The following HRH4 variants were observed in gnomAD, a reference collection of about 807,000 sequenced individuals.
HRH4 encodes histamine H4 receptor.
Under a neutral mutation model 10.4 loss-of-function variants are expected in HRH4, and 12 were observed. The ratio of observed to expected loss-of-function variants is 1.15; its 90% CI spans 0.74 to 1.87. The LOEUF (loss-of-function observed/expected upper bound fraction) is 1.87. Ranked by LOEUF, HRH4 falls within the 40% of genes most tolerant of loss-of-function variation. The pLI is 0.00. For missense variants in HRH4, 415 were observed against 453.3 expected, an observed-to-expected ratio of 0.92 and a Z score of 0.77; for synonymous variants, 154 against 166.6, an observed-to-expected ratio of 0.92 and a Z score of 0.58.
intron 1 of HRH4, among the ~76,000 whole-genome samples, chr18:24,468,187 T>G (rs1909828147): frequency 6.6e-6 from 1 of 152,042 alleles, no homozygotes; most frequent in South Asian, 2.1e-4. Flanking sequence ...ATGTACATCC[T>G]CCCATATACT....
Position 24,460,901 on chromosome 18 carries a change from C to T in HRH4, c.173C>T (p.Ala58Val), listed in dbSNP as rs1402881096. The T allele has an allele frequency of 1.3e-6, 2 of 1,567,766 alleles. No homozygotes were observed. The highest frequency in any genetic ancestry group is 1.7e-6 in the Non-Finnish European group (2 of 1,147,382). ...HRSSYFFLNLAISDFFVGVIS... is the reference protein window; with the variant it reads ...HRSSYFFLNLVISDFFVGVIS... ...AGTAGTTATTTTTTTCTTAACTTGG[C>T]CATCTCTGACTTCTTTGTGGGTAAG... The change falls in exon 1 of 3, where the codon GCC becomes GTC. Residue 58 changes from alanine (A) to valine (V), a missense_variant. By Grantham distance (64) the Ala-to-Val change is moderately conservative. Transcript: ENST00000256906.
At position 24,468,128 on chromosome 18, in the gene HRH4, G is replaced by A. The variant is rs763905700; in HGVS notation, c.194-660G>A. Among the ~76,000 whole-genome samples the A allele has an allele frequency of 3.3e-5, 5 of 152,128 alleles. No homozygotes were observed. The South Asian group carries it at 1.0e-3, about 32-fold the overall frequency. On this transcript the variant is annotated intron_variant, in intron 1 of 2. Transcript: ENST00000256906. ...AATCCCCTTAGATAGCAGAATCCAA[G>A]AAAGCTGAAGTCCCTGATATAAAAT... is the stretch of plus-strand genomic sequence containing the variant.
At chr18:24,474,827 AGGTG>A (rs1910090257) in intron 2 of HRH4, among the ~76,000 whole-genome samples, 1 of 151,946 alleles carries the variant, frequency 6.6e-6, no homozygotes, top group Non-Finnish European at 1.5e-5. Flanking sequence ...CTGGGACTAC[AGGTG>A]CGAGCCACCA....
rs2144388262 is a variant in HRH4 at position 24,478,567 on chromosome 18, T to A, written c.*1005T>A. The A allele has an allele frequency of 6.6e-6, 1 of 152,462 alleles. No homozygotes were observed. Among genetic ancestry groups the A allele is most frequent in the East Asian group, 1.9e-4 (1 of 5,184 alleles). 9.4% of individuals were successfully genotyped at this position (152,462 alleles called of 1,614,324 possible). A position where few individuals can be genotyped will look rare whatever the true frequency, so the allele number is the denominator to read the frequency against. On this transcript the variant is annotated 3_prime_UTR_variant, in exon 3 of 3. Coordinates refer to ENST00000256906, the MANE Select transcript of HRH4 (RefSeq NM_021624.4). ...ACAAGTAGCTGGTTGTGGCGCCGCA[T>A]GCCTGTAGTCCCAGCTACTCGGGAG...
At position 24,478,939 on chromosome 18, in the gene HRH4, A is replaced by T. The variant is rs946125142; in HGVS notation, c.*1377A>T. 5 of 152,178 alleles carry T rather than the reference A, an allele frequency of 3.3e-5. No individual in the cohort carries two copies. The highest frequency in any genetic ancestry group is 7.3e-5 in the Non-Finnish European group (5 of 68,034). 9.4% of individuals were successfully genotyped at this position (152,178 alleles called of 1,614,324 possible). A position where few individuals can be genotyped will look rare whatever the true frequency, so the allele number is the denominator to read the frequency against. ...AAAATTTTTAAAAAGGTTTTTTGAG[A>T]CAGATTCTTGCTCTGTCACCCAGGC... On this transcript the variant is annotated 3_prime_UTR_variant, in exon 3 of 3. Transcript: ENST00000256906.
At position 24,478,803 on chromosome 18, in the gene HRH4, T is replaced by C. The variant is rs1910221299; in HGVS notation, c.*1241T>C. 6.6e-6 allele frequency: 1 copy of C among 151,718 alleles called. No homozygotes were observed. Among genetic ancestry groups the C allele is most frequent in the Non-Finnish European group, 1.5e-5 (1 of 67,940 alleles). 9.4% of individuals were successfully genotyped at this position (151,718 alleles called of 1,614,324 possible). On this transcript the variant is annotated 3_prime_UTR_variant, in exon 3 of 3. Transcript: ENST00000256906. The stretch of plus-strand genomic sequence containing the variant: ...TCCTGCTGCCTTGGCCTCCCAAGTA[T>C]GTAGGACTACAGGTACTCGCCACCA...
chr18:24,476,365 A>C (rs1322592840), intron 2 of HRH4, among the ~76,000 whole-genome samples: 3 of 152,240 alleles, frequency 2.0e-5, no homozygotes, highest in African/African-American at 7.2e-5. Flanking sequence ...CTATTTCATT[A>C]AAAAGATCTG....
chr18:24,469,297 T>A (rs1445738623), intron 2 of HRH4, among the ~76,000 whole-genome samples: 7 of 152,162 alleles, frequency 4.6e-5, no homozygotes, highest in Admixed American at 3.9e-4. Context: ...CTGAATATAT[T>A]CCTCGGAATG....
rs1046743172 is a variant in HRH4 at position 24,460,794 on chromosome 18, G to A, written c.66G>A (p.Met22Ile). The change falls in exon 1 of 3, where the codon ATG (methionine) becomes ATA (isoleucine). Residue 22 changes from methionine to isoleucine, a missense_variant. Coordinates refer to ENST00000256906, the MANE Select transcript of HRH4 (RefSeq NM_021624.4). Reference sequence around the variant, plus strand: ...CTCGTGTTACTTTAGCATTTTTTATGTCCTTAGTAGCTTTTGCTATAATGC... The same window carrying A: ...CTCGTGTTACTTTAGCATTTTTTATATCCTTAGTAGCTTTTGCTATAATGC... ...LSTRVTLAFF[M>I]SLVAFAIMLG... is the part of the protein sequence containing the mutation. 11 of 1,564,586 alleles carry A rather than the reference G, an allele frequency of 7.0e-6. No homozygotes were observed. In the African/African-American group the frequency reaches 1.3e-4, roughly 19 times the overall value.
chr18:24,466,808 T>C (rs1051081369), intron 1 of HRH4, among the ~76,000 whole-genome samples: 2 of 152,216 alleles, frequency 1.3e-5, no homozygotes, highest in Admixed American at 1.3e-4. Flanking sequence ...CTCAACAAAG[T>C]AAGATTTCAT....
At chr18:24,462,737 A>C (rs577040013) in intron 1 of HRH4, among the ~76,000 whole-genome samples, 3 of 152,226 alleles carry the variant, frequency 2.0e-5, no homozygotes, top group African/African-American at 7.2e-5. Context: ...CAGCTAACCC[A>C]TAAAGAAGTA....
At chr18:24,474,701 T>TC (rs1910087023) in intron 2 of HRH4, among the ~76,000 whole-genome samples, 2 of 151,660 alleles carry the variant, frequency 1.3e-5, no homozygotes, top group African/African-American at 4.8e-5. Context: ...TACTGATTTT[T>TC]TTTTTTTTGA....
intron 2 of HRH4, among the ~76,000 whole-genome samples, chr18:24,471,606 C>CAAAAAAAAAAAAAAAA (rs60730879): frequency 6.6e-4 from 34 of 51,396 alleles, no homozygotes; most frequent in African/African-American, 2.6e-3. Context: ...GACTCCATCT[C>CAAAAAAAAAAAAAAAA]AAAAAAAAAA....
At chr18:24,464,951 G>A (rs1213788966) in intron 1 of HRH4, among the ~76,000 whole-genome samples, 2 of 151,936 alleles carry the variant, frequency 1.3e-5, no homozygotes, top group Admixed American at 1.3e-4. Flanking sequence ...GCTGGGAGTG[G>A]GGCTGCAATT....
At position 24,477,029 on chromosome 18, in the gene HRH4, C is replaced by A. The variant is rs1910158453; in HGVS notation, c.640C>A (p.Pro214Thr). The A allele has an allele frequency of 6.2e-7, 1 of 1,614,082 alleles. No individual in the cohort carries two copies. Among genetic ancestry groups the A allele is most frequent in the Admixed American group, 1.7e-5 (1 of 60,002 alleles). ...TCATCTCAGTAGGTGCCAAAGCCAT[C>A]CTGGACTGACTGCTGTCTCTTCCAA... is the stretch of plus-strand genomic sequence containing the variant. ...RDHLSRCQSHPGLTAVSSNIC... is the reference protein window; with the variant it reads ...RDHLSRCQSHTGLTAVSSNIC... The change falls in exon 3 of 3, where the codon CCT becomes ACT. Residue 214 changes from proline (P) to threonine (T), a missense_variant. Pro to Thr is a conservative substitution (Grantham distance 38). Coordinates refer to ENST00000256906, the MANE Select transcript of HRH4 (RefSeq NM_021624.4).
In HRH4 at chr18:24,477,438, A is replaced by G. The variant is rs1338658780; in HGVS notation, c.1049A>G (p.Asn350Ser). The G allele has an allele frequency of 6.2e-7, 1 of 1,614,172 alleles. No homozygotes were observed. The highest frequency in any genetic ancestry group is 2.2e-5 in the East Asian group (1 of 44,878). The change falls in exon 3 of 3, where the codon AAT becomes AGT. Residue 350 changes from asparagine to serine, a missense_variant. Physicochemically the swap from Asn to Ser is conservative, Grantham distance 46. Coordinates refer to ENST00000256906, the MANE Select transcript of HRH4 (RefSeq NM_021624.4). ...ATTGCATTTTGGCTTCAGTGGTTCA[A>G]TTCCTTTGTCAATCCTCTTTTGTAT... ...YRIAFWLQWF[N>S]SFVNPLLYPL...
chr18:24,474,291 G>C (rs552403490), intron 2 of HRH4, among the ~76,000 whole-genome samples: 2 of 151,748 alleles, frequency 1.3e-5, no homozygotes, highest in South Asian at 2.1e-4. Context: ...GCATGTGAGA[G>C]CTCATGGTCA....
chr18:24,465,884 C>T (rs1172467289), intron 1 of HRH4, among the ~76,000 whole-genome samples: 2 of 152,092 alleles, frequency 1.3e-5, no homozygotes, highest in African/African-American at 4.8e-5. Context: ...TGACAAAGAG[C>T]ATTTACCTCC....
rs1372775224 is a variant in HRH4 at position 24,478,415 on chromosome 18, G to A, written c.*853G>A. 1 of 152,276 alleles carries A rather than the reference G, an allele frequency of 6.6e-6. No individual in the cohort carries two copies. Among genetic ancestry groups the A allele is most frequent in the African/African-American group, 2.4e-5 (1 of 41,434 alleles). The allele number at this position is 152,276 out of a possible 1,614,324, so 9.4% of individuals were successfully genotyped here. On this transcript the variant is annotated 3_prime_UTR_variant, in exon 3 of 3. Transcript: ENST00000256906. ...TTATTTTTAAAAATTTTTATTTGTT[G>A]GCCGGGCATGGTGGCTCACGCCTGA...
Sources: gnomAD v4.1 joint callset for allele counts (sites outside exome capture counted in the v4.1 genomes callset) on GRCh38, gnomAD v4.1.1 for gene constraint, MANE v1.5 for transcripts, NCBI Gene and HGNC (gene_info 2026-07-23, HGNC 2026-07-21) for gene names.